SGCD: variants seen among roughly 807,000 people sequenced by gnomAD.
SGCD encodes the protein delta-sarcoglycan.
SGCD carries 18 observed loss-of-function variants against 36.6 expected under a neutral mutation model. That is an observed-to-expected ratio of 0.49 (90% CI 0.34 to 0.73). The LOEUF is 0.73. SGCD is among the 30% of genes least tolerant of loss of function. The pLI is 0.01. For synonymous variants in SGCD, 133 were observed against 130.6 expected (o/e 1.02, Z -0.12); for missense variants, 387 against 346.7 (o/e 1.12, Z -0.92).
At chr5:156,608,331 A>G (rs1761589017) in intron 6 of SGCD, among the ~76,000 whole-genome samples, 1 of 152,190 alleles carries the variant, frequency 6.6e-6, no homozygotes, top group Non-Finnish European at 1.5e-5. Context: ...CAGGTTGTTC[A>G]GTTTCCATGT....
rs77408190 is a variant in SGCD at position 156,618,089 on chromosome 5, C to T, written c.502+23038C>T. Among the ~76,000 whole-genome samples the T allele has an allele frequency of 1.6e-3, 245 of 152,152 alleles. 1 individual carries two copies. The highest frequency in any genetic ancestry group is 3.4e-3 in the Middle Eastern group (1 of 294). On this transcript the variant is annotated intron_variant, in intron 6 of 8. Transcript: ENST00000337851. ...TCCTTTCTGAAGTATTTCATCAGTA[C>T]GCAGAAGGAAGCATGAGAATGGCTG...
At chr5:156,177,898 G>T (rs61351228) in intron 3 of SGCD, among the ~76,000 whole-genome samples, 37,960 of 151,920 alleles carry the variant, frequency 0.25, 5,124 homozygotes, top group East Asian at 0.57. Context: ...TCACTTGGCA[G>T]CATTAAGGAT....
At chr5:156,074,448 C>T (rs1319028261) in intron 1 of SGCD, among the ~76,000 whole-genome samples, 2 of 151,868 alleles carry the variant, frequency 1.3e-5, no homozygotes, top group African/African-American at 4.9e-5. Context: ...ACTTGGGAGG[C>T]TGAAGCAAGC....
chr5:156,011,578 T>C (rs561228303), intron 1 of SGCD, among the ~76,000 whole-genome samples: 1 of 152,194 alleles, frequency 6.6e-6, no homozygotes, highest in South Asian at 2.1e-4. Flanking sequence ...TATCTGGGAC[T>C]ACAGGTGCCC....
At chr5:156,753,706 G>A (rs1757236222) in intron 7 of SGCD, among the ~76,000 whole-genome samples, 1 of 152,162 alleles carries the variant, frequency 6.6e-6, no homozygotes, top group Admixed American at 6.5e-5. Flanking sequence ...AAGGAGAAGT[G>A]CCAAGCGAAG....
upstream of SGCD, among the ~76,000 whole-genome samples, chr5:156,322,516 T>C (rs923171444): frequency 1.3e-5 from 2 of 152,170 alleles, no homozygotes; most frequent in Non-Finnish European, 2.9e-5. Context: ...CAAATATGTA[T>C]ATACAACTAA....
intron 4 of SGCD, among the ~76,000 whole-genome samples, chr5:156,532,742 T>C (rs1757938573): frequency 1.3e-5 from 2 of 152,260 alleles, no homozygotes; most frequent in African/African-American, 4.8e-5. Context: ...ATTATAGGCG[T>C]GAGCCACCAA....
chr5:156,041,916 C>T (rs892221085), intron 1 of SGCD, among the ~76,000 whole-genome samples: 1 of 152,082 alleles, frequency 6.6e-6, no homozygotes, highest in African/African-American at 2.4e-5. Flanking sequence ...TTTGACTATA[C>T]TGAGAATAGC....
intron 7 of SGCD, among the ~76,000 whole-genome samples, chr5:156,755,215 C>T (rs1757292354): frequency 6.6e-6 from 1 of 152,014 alleles, no homozygotes; most frequent in Non-Finnish European, 1.5e-5. Flanking sequence ...AGTTAAAAGA[C>T]GTGTTAACTG....
the SGCD span, among the ~76,000 whole-genome samples, chr5:155,737,278 A>C: frequency 1.1e-4 from 17 of 152,324 alleles, no homozygotes; most frequent in South Asian, 2.3e-3. Context: ...CCCCACATGC[A>C]ACTGACACAA....
At chr5:156,419,523 C>G (rs897206167) in intron 3 of SGCD, among the ~76,000 whole-genome samples, 2 of 152,156 alleles carry the variant, frequency 1.3e-5, no homozygotes, top group Non-Finnish European at 2.9e-5. Context: ...GGATACAGCA[C>G]TGCCACTCAG....
chr5:155,947,293 T>TAC (rs1757456763), intron 1 of SGCD, among the ~76,000 whole-genome samples: 1 of 138,910 alleles, frequency 7.2e-6, no homozygotes, highest in Non-Finnish European at 1.5e-5. Flanking sequence ...ATAAATACTC[T>TAC]TGTGTGTGTG....
At chr5:156,338,687 G>C (rs192476583) in intron 2 of SGCD, among the ~76,000 whole-genome samples, 2 of 152,218 alleles carry the variant, frequency 1.3e-5, no homozygotes, top group Admixed American at 1.3e-4. Context: ...CAAAGATCTC[G>C]GTGACAACTT....
intron 7 of SGCD, among the ~76,000 whole-genome samples, chr5:156,655,064 GGTTTTTTT>G (rs1418384365): frequency 6.6e-6 from 1 of 151,864 alleles, no homozygotes; most frequent in Non-Finnish European, 1.5e-5. Context: ...TATTTTTGAG[GGTTTTTTT>G]TCTTTAATAT....
chr5:156,420,643 C>A (rs889223531), intron 3 of SGCD, among the ~76,000 whole-genome samples: 4 of 152,004 alleles, frequency 2.6e-5, no homozygotes, highest in African/African-American at 7.2e-5. Flanking sequence ...CTGGGGTGAC[C>A]GTGCTCAGGT....
At chr5:156,625,313 A>G (rs934037148) in intron 6 of SGCD, among the ~76,000 whole-genome samples, 1 of 152,200 alleles carries the variant, frequency 6.6e-6, no homozygotes, top group African/African-American at 2.4e-5. Context: ...AATGTCCAGG[A>G]TTACCAAAGA....
At chr5:156,693,398 C>T (rs1477454229) in intron 7 of SGCD, among the ~76,000 whole-genome samples, 1 of 152,138 alleles carries the variant, frequency 6.6e-6, no homozygotes, top group African/African-American at 2.4e-5. Context: ...GAGACCAGTG[C>T]CTCCTTCATC....
At chr5:155,966,047 G>T (rs1757897278) in intron 1 of SGCD, among the ~76,000 whole-genome samples, 1 of 152,008 alleles carries the variant, frequency 6.6e-6, no homozygotes, top group African/African-American at 2.4e-5. Flanking sequence ...TCATTAAAAG[G>T]TTACAAATCC....
chr5:155,883,055 C>G (rs964552313), intron 1 of SGCD, among the ~76,000 whole-genome samples: 5 of 152,120 alleles, frequency 3.3e-5, no homozygotes, highest in African/African-American at 9.7e-5. Context: ...GCTTTTTTCC[C>G]CTTAAACCTC....
Sources: gnomAD v4.1 joint callset for allele counts (sites outside exome capture counted in the v4.1 genomes callset) on GRCh38, gnomAD v4.1.1 for gene constraint, MANE v1.5 for transcripts, NCBI Gene and HGNC (gene_info 2026-07-23, HGNC 2026-07-21) for gene names.